VIRMA: variants seen among roughly 807,000 people sequenced by gnomAD.
VIRMA encodes protein virilizer homolog.
In VIRMA, 65 loss-of-function variants were observed where a neutral mutation model predicts 182.4. The observed-to-expected ratio is 0.36, with a 90% CI of 0.29 to 0.44. VIRMA has a LOEUF of 0.44. VIRMA is among the 20% of genes least tolerant of loss of function. The probability of loss-of-function intolerance (pLI) is 1.00; values close to 1 mark genes in which losing one functional copy is unlikely to be tolerated. For missense variants in VIRMA, 1,752 were observed against 2,158.1 expected, an observed-to-expected ratio of 0.81 and a Z score of 3.73; for synonymous variants, 709 against 743.1, an observed-to-expected ratio of 0.95 and a Z score of 0.75.
At chr8:94,495,008 AAT>A in intron 19 of VIRMA, 52 bp from the exon 20 acceptor site, 1 of 1,324,790 alleles carries the variant, frequency 7.5e-7, no homozygotes. Flanking sequence ...ATCAAATTTC[AAT>A]TTTTTTTTTT....
intron 4 of VIRMA, 152 bp from the exon 5 acceptor site, chr8:94,535,159 C>A: frequency 1.7e-6 from 2 of 1,187,860 alleles, no homozygotes; most frequent in South Asian, 1.7e-5. Flanking sequence ...TACCTAGGCA[C>A]AGCTTTTAGT....
rs1486459846 is a variant in VIRMA at position 94,506,527 on chromosome 8, T to C, written c.4070A>G (p.His1357Arg). Residue 1357 changes from histidine to arginine, a missense_variant, in exon 16 of 24, where the codon CAT (histidine) becomes CGT (arginine). Coordinates refer to ENST00000297591, the MANE Select transcript of VIRMA (RefSeq NM_015496.5). ...CVRTMMFLAE[H>R]DYGLFHLKSS... ...TTTTAAATGAAATAATCCATAATCA[T>C]GCTCTGCAAGAAACATCATTGTTCT... 6.2e-7 allele frequency: 1 copy of C among 1,610,990 alleles called. No homozygotes were observed. The highest frequency in any genetic ancestry group is 1.1e-5 in the South Asian group (1 of 90,854).
intron 1 of VIRMA, among the ~76,000 whole-genome samples, chr8:94,552,802 G>C (rs1042343498): frequency 3.3e-5 from 5 of 152,064 alleles, no homozygotes; most frequent in African/African-American, 1.2e-4. Flanking sequence ...TCCCCTCTTC[G>C]CAAGTATTCT....
At chr8:94,528,231 CAAA>C (rs11368037) in intron 7 of VIRMA, among the ~76,000 whole-genome samples, 8 of 91,798 alleles carry the variant, frequency 8.7e-5, no homozygotes, top group Admixed American at 1.1e-4. Context: ...GACTTTGTCT[CAAA>C]AAAAAAAAAA....
intron 8 of VIRMA, among the ~76,000 whole-genome samples, chr8:94,524,199 A>G (rs1429300498): frequency 2.0e-5 from 3 of 151,990 alleles, no homozygotes. Flanking sequence ...GGGTTTCTCC[A>G]TGCTGGTCAG....
intron 18 of VIRMA, 124 bp downstream of exon 18, chr8:94,496,204 T>C: frequency 4.9e-6 from 4 of 820,288 alleles, no homozygotes; most frequent in East Asian, 5.4e-5. Context: ...AAAGAGTTAT[T>C]TGAAATGGTA....
At chr8:94,530,281 A>C (rs1040901242) in intron 6 of VIRMA, among the ~76,000 whole-genome samples, 2 of 152,118 alleles carry the variant, frequency 1.3e-5, no homozygotes, top group African/African-American at 4.8e-5. Flanking sequence ...TGGGGGGCCA[A>C]GGCGGGAGGA....
rs1487984287 is a variant in VIRMA, at chr8:94,490,067, C to T, written c.5156G>A (p.Arg1719Gln). 2.5e-6 allele frequency: 4 copies of T among 1,610,738 alleles called. No homozygotes were observed. The highest frequency in any genetic ancestry group is 2.2e-5 in the East Asian group (1 of 44,882). Residue 1719 changes from arginine to glutamine, a missense_variant, in exon 23 of 24, where the codon CGG (arginine) becomes CAG (glutamine). Coordinates refer to ENST00000297591, the MANE Select transcript of VIRMA (RefSeq NM_015496.5). ...CCAACTGGAGCCTCTTGTTCCTTCCCGACGACTGTAGTTTCCTAAACACAA... is the reference window on the plus strand; with the variant it reads ...CCAACTGGAGCCTCTTGTTCCTTCCTGACGACTGTAGTTTCCTAAACACAA... ...PPASKGNYSR[R>Q]EGTRGSSWSA...
intron 1 of VIRMA, among the ~76,000 whole-genome samples, chr8:94,545,259 C>T (rs1174249548): frequency 6.6e-6 from 1 of 152,152 alleles, no homozygotes; most frequent in Non-Finnish European, 1.5e-5. Context: ...AGAGAGTTTT[C>T]AAATTGTTTT....
chr8:94,529,125 A>G lies in VIRMA; in HGVS notation c.825T>C (p.Pro275=), dbSNP rs755081447. ...CCTCTTCATCTTCCTCTTCCTCCTC[A>G]GGAATACTGTCTACTGTTCGTCGAT... is the stretch of plus-strand genomic sequence containing the variant. ...EDDRRTVDSI[P]EEEEEDEEEE... The change falls in exon 7 of 24, where the codon CCT becomes CCC. Residue 275 remains proline (P), a synonymous_variant. Coordinates refer to ENST00000297591, the MANE Select transcript of VIRMA (RefSeq NM_015496.5). 2.0e-6 allele frequency: 3 copies of G among 1,502,958 alleles called. No individual in the cohort carries two copies. The highest frequency in any genetic ancestry group is 3.3e-5 in the Admixed American group (2 of 59,750). The allele number at this position is 1,502,958 out of a possible 1,614,324, so 93.1% of individuals were successfully genotyped here.
intron 8 of VIRMA, among the ~76,000 whole-genome samples, chr8:94,520,062 T>A (rs1459299352): frequency 6.6e-6 from 1 of 151,522 alleles, no homozygotes; most frequent in African/African-American, 2.4e-5. Context: ...AATACAAAAA[T>A]TAGCCAGGCG....
Position 94,496,343 on chromosome 8 carries a change from T to C in VIRMA, c.4368A>G (p.Leu1456=), listed in dbSNP as rs1007039178. 8.7e-6 allele frequency: 14 copies of C among 1,611,580 alleles called. No homozygotes were observed. Among genetic ancestry groups the C allele is most frequent in the Non-Finnish European group, 1.2e-5 (14 of 1,179,420 alleles). The part of the protein sequence containing the change: ...EESPENLFLE[L]EKLVLEHSKD... ...TCTTTTTTACCAAAACAAGCTTCTC[T>C]AGTTCAAGGAACAAATTTTCTGGAC... Residue 1456 remains leucine (L), a synonymous_variant, in exon 18 of 24, where the codon CTA becomes CTG. Coordinates refer to ENST00000297591, the MANE Select transcript of VIRMA (RefSeq NM_015496.5).
chr8:94,510,727 G>T, intron 13 of VIRMA, 75 bp from the exon 14 acceptor site: 1 of 1,064,674 alleles, frequency 9.4e-7, no homozygotes, highest in Admixed American at 2.2e-5. Context: ...TGTTCAGGAA[G>T]AAATGTTATG....
chr8:94,506,232 C>G (rs7824763), intron 16 of VIRMA, among the ~76,000 whole-genome samples: 4,383 of 152,284 alleles, frequency 0.029, 216 homozygotes, highest in African/African-American at 0.099. Flanking sequence ...ATTACCATCC[C>G]TGGAACAGTG....
chr8:94,515,098 CTTTT>C (rs796163204), intron 10 of VIRMA, 147 bp from the exon 11 acceptor site: 26 of 315,088 alleles, frequency 8.3e-5, no homozygotes, highest in South Asian at 1.4e-4. Context: ...GCATCTAATT[CTTTT>C]TTTTTTTTTT....
chr8:94,517,905 C>A lies in VIRMA; in HGVS notation c.2551G>T (p.Ala851Ser). 1 of 1,612,248 alleles carries A rather than the reference C, an allele frequency of 6.2e-7. No homozygotes were observed. The highest frequency in any genetic ancestry group is 8.5e-7 in the Non-Finnish European group (1 of 1,178,672). The change falls in exon 10 of 24, where the codon GCA becomes TCA. Residue 851 changes from alanine to serine, a missense_variant. Transcript: ENST00000297591. ...KSKKSVAYNY[A>S]CILILVVVQS... ...ACCACCACCAAAATAAGTATGCATG[C>A]GTAATTATAAGCTACTGACTTCTTA...
At chr8:94,530,863 T>G in intron 6 of VIRMA, 100 bp downstream of exon 6, 1 of 1,336,600 alleles carries the variant, frequency 7.5e-7, no homozygotes, top group South Asian at 1.5e-5. Context: ...AGTGAGCCAC[T>G]GTACTCCACC....
chr8:94,509,112 T>C (rs1814264202), intron 15 of VIRMA, among the ~76,000 whole-genome samples: 1 of 152,122 alleles, frequency 6.6e-6, no homozygotes, highest in African/African-American at 2.4e-5. Context: ...TAAGAATGAC[T>C]TGGTGTAGCC....
chr8:94,511,013 C>A, intron 13 of VIRMA, 172 bp downstream of exon 13: 1 of 1,406,900 alleles, frequency 7.1e-7, no homozygotes, highest in Non-Finnish European at 9.2e-7. Context: ...ATGTTACCCC[C>A]ATATTTCCTC....
Sources: gnomAD v4.1 joint callset for allele counts (sites outside exome capture counted in the v4.1 genomes callset) on GRCh38, gnomAD v4.1.1 for gene constraint, MANE v1.5 for transcripts, NCBI Gene and HGNC (gene_info 2026-07-23, HGNC 2026-07-21) for gene names.